Variants in TMTC1 observed in about 807,000 individuals in gnomAD.
The protein encoded by TMTC1 is transmembrane O-mannosyltransferase targeting cadherins 1, also known as protein O-mannosyl-transferase TMTC1.
In TMTC1, 73 loss-of-function variants were observed where a neutral mutation model predicts 104.8. That is an observed-to-expected ratio of 0.70 (90% CI 0.58 to 0.85). TMTC1 has a LOEUF of 0.85. TMTC1 is among the 40% of genes least tolerant of loss of function. The pLI, the probability that TMTC1 is intolerant of heterozygous loss-of-function variation, is 0.00. For synonymous variants in TMTC1, 434 were observed against 428.7 expected (o/e 1.01, Z -0.15); for missense variants, 1,035 against 1,096.1 (o/e 0.94, Z 0.79).
chr12:29,660,976 A>G (rs1039996864), intron 5 of TMTC1: 10 of 622,316 alleles, frequency 1.6e-5, no homozygotes, highest in Non-Finnish European at 2.1e-5. Context: ...GCTCTGAAGA[A>G]GGCTGCAGAG....
In TMTC1 at chr12:29,516,374, T is replaced by C. The variant is rs891671327; in HGVS notation, c.2282A>G (p.Tyr761Cys). 2 of 1,613,854 alleles carry C rather than the reference T, an allele frequency of 1.2e-6. No individual in the cohort carries two copies. Among genetic ancestry groups the C allele is most frequent in the South Asian group, 1.1e-5 (1 of 91,042 alleles). Reference protein sequence around the residue: ...LECYRLLSAIYSKQENHDKAL... With the variant: ...LECYRLLSAICSKQENHDKAL... ...CTTGTCGTGGTTCTCCTGCTTGCTA[T>C]AGATGGCTGACAAGAGGCGATAGCA... The change falls in exon 15 of 18, where the codon TAT becomes TGT. Residue 761 changes from tyrosine to cysteine, a missense_variant. Tyr to Cys is a radical substitution (Grantham distance 194). Transcript: ENST00000539277.
At chr12:29,586,940 C>T (rs1946152212) in intron 7 of TMTC1, among the ~76,000 whole-genome samples, 1 of 152,072 alleles carries the variant, frequency 6.6e-6, no homozygotes, top group African/African-American at 2.4e-5. Context: ...CAGGATGATG[C>T]TGGCCTCATA....
chr12:29,643,597 T>TTA (rs1555180677), intron 5 of TMTC1, among the ~76,000 whole-genome samples: 5 of 30,886 alleles, frequency 1.6e-4, no homozygotes, highest in South Asian at 1.6e-3. Flanking sequence ...TAAATATATA[T>TTA]TATATATTAT....
intron 11 of TMTC1, among the ~76,000 whole-genome samples, chr12:29,532,042 T>TGTAAA (rs1189695966): frequency 6.6e-6 from 1 of 152,222 alleles, no homozygotes; most frequent in Non-Finnish European, 1.5e-5. Flanking sequence ...TATATTTTTA[T>TGTAAA]GTAAAATGAG....
At chr12:29,711,028 G>A (rs974574376) in intron 5 of TMTC1, among the ~76,000 whole-genome samples, 1 of 148,606 alleles carries the variant, frequency 6.7e-6, no homozygotes, top group African/African-American at 2.5e-5. Flanking sequence ...TATCACCCAG[G>A]CTGGAGTGCA....
chr12:29,513,417 T>C lies in TMTC1; in HGVS notation c.2430+1065A>G, dbSNP rs192187244. 2.5e-3 allele frequency among the ~76,000 whole-genome samples: 376 copies of C among 152,212 alleles called. 2 individuals carry two copies. The highest frequency in any genetic ancestry group is 4.5e-3 in the Non-Finnish European group (307 of 68,002). ...TATAAATAACTTAAGAATGACGATA[T>C]TGAAAATGTTGAAAAGGCAGAGAAA... On this transcript the variant is annotated intron_variant, in intron 16 of 17. Coordinates refer to ENST00000539277, the MANE Select transcript of TMTC1 (RefSeq NM_001193451.2).
chr12:29,716,018 TA>T (rs1942069945), intron 5 of TMTC1, among the ~76,000 whole-genome samples: 1 of 146,492 alleles, frequency 6.8e-6, no homozygotes, highest in Non-Finnish European at 1.5e-5. Flanking sequence ...TTATTATTAT[TA>T]TTATTATTAT....
rs182898162 is a variant in TMTC1 at position 29,557,125 on chromosome 12, A to C, written c.1533-125T>G. ...AACACTGAATTATTCTTGTACTTGA[A>C]TGGTTTGTGTCCAATCTTACTGGTC... On this transcript the variant is annotated intron_variant, in intron 9 of 17. Transcript: ENST00000539277. 7.6e-3 allele frequency: 8,373 copies of C among 1,106,812 alleles called. 47 individuals are homozygous for C. Among genetic ancestry groups the C allele is most frequent in the Non-Finnish European group, 9.9e-3 (7,794 of 786,138 alleles). The allele number at this position is 1,106,812 out of a possible 1,614,324, so 68.6% of individuals were successfully genotyped here. A position where few individuals can be genotyped will look rare whatever the true frequency, so the allele number is the denominator to read the frequency against.
intron 5 of TMTC1, among the ~76,000 whole-genome samples, chr12:29,723,391 A>G (rs982769459): frequency 2.0e-5 from 3 of 152,184 alleles, no homozygotes; most frequent in African/African-American, 7.2e-5. Context: ...AATAATTAAG[A>G]CTAGGTAGTA....
chr12:29,634,222 A>C (rs1373922901), intron 5 of TMTC1, among the ~76,000 whole-genome samples: 1 of 152,098 alleles, frequency 6.6e-6, no homozygotes, highest in African/African-American at 2.4e-5. Flanking sequence ...TTTAAACAGC[A>C]TTTACAAAAA....
chr12:29,697,969 A>T (rs1210094569), intron 5 of TMTC1, among the ~76,000 whole-genome samples: 3 of 152,222 alleles, frequency 2.0e-5, no homozygotes, highest in African/African-American at 4.8e-5. Context: ...CCAAGTTGAT[A>T]TCCAGAAAAT....
chr12:29,532,517 C>A (rs2136192290), intron 11 of TMTC1: 1 of 151,806 alleles, frequency 6.6e-6, no homozygotes, highest in East Asian at 1.9e-4. Context: ...CAGTAAGCAG[C>A]CATTTAAGTG....
At chr12:29,546,802 A>G (rs1407275157) in intron 10 of TMTC1, among the ~76,000 whole-genome samples, 1 of 152,158 alleles carries the variant, frequency 6.6e-6, no homozygotes, top group Non-Finnish European at 1.5e-5. Flanking sequence ...GGATCGCTTC[A>G]GCCCAGGAGT....
chr12:29,537,497 T>C (rs549964970), intron 10 of TMTC1, among the ~76,000 whole-genome samples: 1 of 152,354 alleles, frequency 6.6e-6, no homozygotes, highest in Admixed American at 6.5e-5. Flanking sequence ...CCATATCTGC[T>C]GATTCTAACT....
chr12:29,750,989 G>C (rs1943077159), intron 5 of TMTC1, among the ~76,000 whole-genome samples: 1 of 152,238 alleles, frequency 6.6e-6, no homozygotes, highest in Non-Finnish European at 1.5e-5. Context: ...TGGCAGTCTG[G>C]AGCTGCCCAA....
At chr12:29,688,630 G>A (rs1941171202) in intron 5 of TMTC1, among the ~76,000 whole-genome samples, 1 of 152,168 alleles carries the variant, frequency 6.6e-6, no homozygotes, top group South Asian at 2.1e-4. Flanking sequence ...AAAGTCTAAT[G>A]CCTGAGTTAT....
intron 6 of TMTC1, among the ~76,000 whole-genome samples, chr12:29,626,609 G>T (rs1387172221): frequency 1.3e-5 from 2 of 152,118 alleles, no homozygotes; most frequent in African/African-American, 4.8e-5. Context: ...AATGAAGTTG[G>T]ATCCCTACTT....
chr12:29,587,887 G>A (rs1946181632), intron 7 of TMTC1, among the ~76,000 whole-genome samples: 1 of 152,150 alleles, frequency 6.6e-6, no homozygotes, highest in Non-Finnish European at 1.5e-5. Context: ...CTAGCTAATA[G>A]AAACAACTAA....
At chr12:29,633,510 T>A (rs1046757105) in intron 5 of TMTC1, among the ~76,000 whole-genome samples, 174 bp from the exon 6 acceptor site, 2 of 152,142 alleles carry the variant, frequency 1.3e-5, no homozygotes, top group Non-Finnish European at 2.9e-5. Flanking sequence ...ATTGATAGAT[T>A]TGGGATATAT....
Sources: allele counts gnomAD v4.1 joint callset (sites outside exome capture counted in the v4.1 genomes callset), GRCh38; gene constraint gnomAD v4.1.1; transcripts MANE v1.5; gene names NCBI Gene and HGNC (gene_info 2026-07-23, HGNC 2026-07-21).